TPTE2: variants seen among roughly 807,000 people sequenced by gnomAD.
TPTE2 encodes transmembrane phosphoinositide 3-phosphatase and tensin homolog 2.
In TPTE2, 53 loss-of-function variants were observed where a neutral mutation model predicts 78.6. The observed-to-expected ratio is 0.67, with a 90% CI of 0.54 to 0.85. TPTE2 has a LOEUF of 0.85. TPTE2 is among the 40% of genes least tolerant of loss of function. TPTE2 has a pLI of 0.00. For synonymous variants in TPTE2, 175 were observed against 206.2 expected (o/e 0.85, Z 1.30); for missense variants, 461 against 623.0 (o/e 0.74, Z 2.77).
intron 2 of TPTE2, 24 bp from the exon 6 acceptor site, chr13:19,492,927 G>A (rs769279904): frequency 6.2e-7 from 1 of 1,613,862 alleles, no homozygotes; most frequent in South Asian, 1.1e-5. Context: ...AAAGAATACA[G>A]TCAGATAGGA....
intron 15 of TPTE2, among the ~76,000 whole-genome samples, chr13:19,434,642 A>G (rs1391373080): frequency 6.6e-6 from 1 of 152,078 alleles, no homozygotes; most frequent in Non-Finnish European, 1.5e-5. Context: ...GTAGCAGTGG[A>G]TAAGGGTGAG....
chr13:19,475,830 A>G (rs1467349633), intron 4 of TPTE2, among the ~76,000 whole-genome samples: 1 of 152,150 alleles, frequency 6.6e-6, no homozygotes, highest in African/African-American at 2.4e-5. Flanking sequence ...AAGACAGTAA[A>G]CTTTGGATGT....
the TPTE2 span, among the ~76,000 whole-genome samples, chr13:19,555,886 C>T: frequency 7.6e-6 from 1 of 130,856 alleles, no homozygotes; most frequent in Non-Finnish European, 1.5e-5. Flanking sequence ...AATTTTGGCT[C>T]ACTGCAACCT....
At chr13:19,484,323 A>G (rs1185864390) in intron 3 of TPTE2, among the ~76,000 whole-genome samples, 1 of 152,194 alleles carries the variant, frequency 6.6e-6, no homozygotes, top group African/African-American at 2.4e-5. Context: ...GTAAGATAAG[A>G]TACCTGATAG....
chr13:19,511,141 A>G (rs142992109), intron 1 of TPTE2, among the ~76,000 whole-genome samples: 2,075 of 152,318 alleles, frequency 0.014, 39 homozygotes, highest in African/African-American at 0.046. Flanking sequence ...AAACAGGTCT[A>G]TAGGGGTCTG....
At chr13:19,510,195 C>A (rs1869337703) in intron 1 of TPTE2, among the ~76,000 whole-genome samples, 2 of 152,226 alleles carry the variant, frequency 1.3e-5, no homozygotes, top group South Asian at 4.2e-4. Context: ...AAGCGATAGT[C>A]CAAACTTTTG....
At chr13:19,521,343 C>T (rs994938093) in intron 1 of TPTE2, among the ~76,000 whole-genome samples, 74 of 67,114 alleles carry the variant, frequency 1.1e-3, no homozygotes, top group Non-Finnish European at 2.8e-4. Flanking sequence ...AAATTTTTGC[C>T]TTTAAGTCTG....
At chr13:19,555,964 C>A in the TPTE2 span, among the ~76,000 whole-genome samples, 1 of 151,910 alleles carries the variant, frequency 6.6e-6, no homozygotes, top group East Asian at 1.9e-4. Context: ...AGGCGCCCAC[C>A]ACCATGCGCA....
chr13:19,561,290 T>C, the TPTE2 span: 2 of 966,260 alleles, frequency 2.1e-6, no homozygotes, highest in Admixed American at 5.5e-5. Flanking sequence ...GCTGCCCTCC[T>C]GCCCCAGCAT....
At chr13:19,429,445 A>T (rs924973818) in intron 17 of TPTE2, among the ~76,000 whole-genome samples, 3 of 152,250 alleles carry the variant, frequency 2.0e-5, no homozygotes, top group African/African-American at 7.2e-5. Context: ...AGAGGCAGAG[A>T]GAAAGCTCCT....
chr13:19,446,581 A>T (rs547429830), intron 13 of TPTE2, among the ~76,000 whole-genome samples: 1 of 152,358 alleles, frequency 6.6e-6, no homozygotes, highest in Non-Finnish European at 1.5e-5. Flanking sequence ...TGAATTTCAT[A>T]AACATGACAG....
At chr13:19,513,103 G>T (rs1267436592) in intron 1 of TPTE2, among the ~76,000 whole-genome samples, 2 of 152,084 alleles carry the variant, frequency 1.3e-5, no homozygotes, top group Non-Finnish European at 2.9e-5. Context: ...GTAATCTTAC[G>T]ATAAGAAATA....
chr13:19,528,732 C>T (rs1168030883), intron 1 of TPTE2, among the ~76,000 whole-genome samples: 1 of 152,184 alleles, frequency 6.6e-6, no homozygotes, highest in East Asian at 1.9e-4. Context: ...TGGTTATCCA[C>T]CCATCTCAGT....
At chr13:19,560,573 C>A in the TPTE2 span, 9 of 1,599,530 alleles carry the variant, frequency 5.6e-6, no homozygotes, top group Admixed American at 3.4e-5. Context: ...CTGATGGTGA[C>A]CACGATCTCT....
intron 13 of TPTE2, among the ~76,000 whole-genome samples, chr13:19,446,092 T>C (rs1347897208): frequency 6.6e-6 from 1 of 152,184 alleles, no homozygotes; most frequent in Non-Finnish European, 1.5e-5. Flanking sequence ...AAGTATAAAA[T>C]ATTATTAAAG....
intron 13 of TPTE2, among the ~76,000 whole-genome samples, chr13:19,444,718 T>G (rs996136565): frequency 6.6e-6 from 1 of 152,140 alleles, no homozygotes; most frequent in Admixed American, 6.5e-5. Context: ...TATGGAAATA[T>G]AGATGACCTA....
chr13:19,456,511 T>C (rs1280963198), intron 10 of TPTE2, among the ~76,000 whole-genome samples: 1 of 152,152 alleles, frequency 6.6e-6, no homozygotes, highest in Non-Finnish European at 1.5e-5. Flanking sequence ...TGTTCCTACA[T>C]ACCAAGAGCA....
chr13:19,467,085 A>G, intron 7 of TPTE2, 140 bp downstream of exon 10: 2 of 1,094,460 alleles, frequency 1.8e-6, no homozygotes, highest in South Asian at 3.7e-5. Context: ...GTGGGCATTT[A>G]CCCAAACATT....
intron 1 of TPTE2, among the ~76,000 whole-genome samples, chr13:19,521,604 T>G (rs982045086): frequency 3.3e-5 from 5 of 152,056 alleles, no homozygotes; most frequent in Non-Finnish European, 1.5e-5. Context: ...CTAAATAGTT[T>G]TATACTGTAC....
Sources: allele counts gnomAD v4.1 joint callset (sites outside exome capture counted in the v4.1 genomes callset), GRCh38; gene constraint gnomAD v4.1.1; transcripts MANE v1.5; gene names NCBI Gene and HGNC (gene_info 2026-07-23, HGNC 2026-07-21).